The following ADGRV1 variants were observed in gnomAD, a reference collection of about 807,000 sequenced individuals.
The protein encoded by ADGRV1 is G-protein coupled receptor 98.
Under a neutral mutation model 596.2 loss-of-function variants are expected in ADGRV1, and 359 were observed. That is an observed-to-expected ratio of 0.60 (90% CI 0.55 to 0.66). The LOEUF is 0.66. ADGRV1 is among the 30% of genes least tolerant of loss of function. The probability of loss-of-function intolerance (pLI) is 0.00; values close to 1 mark genes in which losing one functional copy is unlikely to be tolerated. For missense variants in ADGRV1, 7,274 were observed against 7,575.6 expected (o/e 0.96, Z 1.48); for synonymous variants, 2,681 against 2,679.2 (o/e 1.00, Z -0.02).
chr5:90,720,670 T>G (rs1202978107), intron 44 of ADGRV1, among the ~76,000 whole-genome samples: 2 of 152,188 alleles, frequency 1.3e-5, no homozygotes, highest in Non-Finnish European at 2.9e-5. Flanking sequence ...GTTTCATTAA[T>G]ATGTTAATTT....
rs1363413635 is a variant in ADGRV1 at position 90,696,855 on chromosome 5, TA to T, written c.7946-81del. The T allele has an allele frequency of 3.8e-5, 36 of 942,122 alleles. No individual in the cohort carries two copies. The African/African-American group carries it at 5.6e-4, about 15-fold the overall frequency. 58.4% of individuals were successfully genotyped at this position (942,122 alleles called of 1,614,324 possible). ...CATATTTTTATTTAACTTTTAAACA[TA>T]GAAATTATTTTGGGCCTTTCTGAGT... On this transcript the variant is annotated intron_variant, in intron 33 of 89. Coordinates refer to ENST00000405460, the MANE Select transcript of ADGRV1 (RefSeq NM_032119.4).
intron 85 of ADGRV1, among the ~76,000 whole-genome samples, chr5:91,064,099 A>G (rs535060593): frequency 1.8e-4 from 28 of 152,296 alleles, no homozygotes; most frequent in Admixed American, 1.4e-3. Context: ...AGGATTTTCT[A>G]TGCCATATTT....
chr5:91,078,568 T>C (rs928730125), intron 86 of ADGRV1, among the ~76,000 whole-genome samples: 2 of 152,206 alleles, frequency 1.3e-5, no homozygotes, highest in African/African-American at 4.8e-5. Flanking sequence ...GACTTTAAGA[T>C]GAATGGCAGT....
intron 43 of ADGRV1, 25 bp downstream of exon 43, chr5:90,716,754 AT>A: frequency 6.5e-7 from 1 of 1,548,786 alleles, no homozygotes; most frequent in Non-Finnish European, 8.8e-7. Context: ...TTTAATGAGA[AT>A]GGAAGTTTAT....
chr5:90,615,082 C>T, intron 2 of ADGRV1, 63 bp downstream of exon 2: 1 of 1,059,852 alleles, frequency 9.4e-7, no homozygotes, highest in Non-Finnish European at 1.3e-6. Context: ...GTTTTAATGG[C>T]AAGGATTTTT....
Position 90,583,126 on chromosome 5 carries a change from C to T in ADGRV1, c.22+24209C>T, listed in dbSNP as rs532528290. 2.9e-3 allele frequency among the ~76,000 whole-genome samples: 435 copies of T among 152,098 alleles called. 2 individuals are homozygous for T. The highest frequency in any genetic ancestry group is 1.0e-2 in the African/African-American group (413 of 41,478). ...TTATATAGTATTTAAGTAGTAAAGT[C>T]GGGAAACTTTGGAAATTGTTCATGC... On this transcript the variant is annotated intron_variant, in intron 1 of 89. Transcript: ENST00000405460.
At chr5:90,861,600 T>C (rs571601957) in intron 82 of ADGRV1, among the ~76,000 whole-genome samples, 80 of 151,748 alleles carry the variant, frequency 5.3e-4, no homozygotes, top group Admixed American at 1.2e-3. Context: ...TGAGCCACCA[T>C]GCCCGGCTAT....
intron 1 of ADGRV1, among the ~76,000 whole-genome samples, chr5:90,579,341 T>G (rs1266947632): frequency 3.3e-5 from 5 of 152,244 alleles, no homozygotes; most frequent in Non-Finnish European, 7.3e-5. Flanking sequence ...ACATCTTTAT[T>G]TCTGCCTTCA....
chr5:90,906,139 A>T (rs1466908910), intron 83 of ADGRV1, among the ~76,000 whole-genome samples: 1 of 151,962 alleles, frequency 6.6e-6, no homozygotes, highest in African/African-American at 2.4e-5. Context: ...CTAGTATCTT[A>T]TTGAGGGTTT....
chr5:90,717,320 A>G (rs1448663833), intron 43 of ADGRV1: 1 of 152,014 alleles, frequency 6.6e-6, no homozygotes, highest in Admixed American at 6.6e-5. Flanking sequence ...GCAGCACACC[A>G]ACATGGCACA....
chr5:91,122,941 C>T (rs538666532), intron 87 of ADGRV1, among the ~76,000 whole-genome samples: 1 of 152,332 alleles, frequency 6.6e-6, no homozygotes, highest in African/African-American at 2.4e-5. Context: ...TCCTAGACTT[C>T]CTGCCTGTTT....
At chr5:91,070,373 CCT>C (rs1788280494) in intron 85 of ADGRV1, among the ~76,000 whole-genome samples, 1 of 152,122 alleles carries the variant, frequency 6.6e-6, no homozygotes. Flanking sequence ...CGTGATTCCC[CCT>C]GAGTTGTCTT....
In ADGRV1 at chr5:90,753,823, C is replaced by T. The variant is rs1327121129; in HGVS notation, c.11371C>T (p.Pro3791Ser). 1 of 1,599,280 alleles carries T rather than the reference C, an allele frequency of 6.3e-7. No homozygotes were observed. Among genetic ancestry groups the T allele is most frequent in the Non-Finnish European group, 8.5e-7 (1 of 1,171,968 alleles). The change falls in exon 54 of 90, where the codon CCT (proline) becomes TCT (serine). Residue 3791 changes from proline to serine, a missense_variant. Pro to Ser is a moderately conservative substitution (Grantham distance 74). Transcript: ENST00000405460. ...GTCTGTCTTCATTAGAGTAGCAGAG[C>T]CTAAAGGTAAATATTGTTAAATATC... Reference protein sequence around the residue: ...AASVFIRVAEPKENTTTLQLQ... With the variant: ...AASVFIRVAESKENTTTLQLQ...
chr5:91,143,028 T>A (rs1443451426), intron 87 of ADGRV1, among the ~76,000 whole-genome samples: 2 of 152,072 alleles, frequency 1.3e-5, no homozygotes, highest in Non-Finnish European at 2.9e-5. Context: ...TGAGCAAGTA[T>A]GGGGTCCGGC....
intron 83 of ADGRV1, among the ~76,000 whole-genome samples, chr5:90,932,060 GA>G (rs1436115635): frequency 6.6e-6 from 1 of 152,092 alleles, no homozygotes; most frequent in Non-Finnish European, 1.5e-5. Flanking sequence ...CCACTTGCTA[GA>G]AGGGATTTCT....
chr5:90,918,530 T>C (rs1197229135), intron 83 of ADGRV1, among the ~76,000 whole-genome samples: 4 of 152,202 alleles, frequency 2.6e-5, no homozygotes, highest in African/African-American at 9.6e-5. Context: ...AATGTACATA[T>C]ATCTGAGCTT....
chr5:90,662,644 G>A (rs1321330778), intron 21 of ADGRV1, among the ~76,000 whole-genome samples: 2 of 150,954 alleles, frequency 1.3e-5, no homozygotes, highest in African/African-American at 4.9e-5. Context: ...AAGTTTTAGG[G>A]TACATGAGCA....
At chr5:90,701,762 T>A (rs528464180) in intron 34 of ADGRV1, among the ~76,000 whole-genome samples, 2 of 152,060 alleles carry the variant, frequency 1.3e-5, no homozygotes, top group South Asian at 4.1e-4. Context: ...ATATTTTACT[T>A]TCTTTTCTCC....
rs1765183931 is a variant in ADGRV1 at position 90,629,246 on chromosome 5, G to A, written c.1546G>A (p.Gly516Ser). The stretch of plus-strand genomic sequence containing the variant: ...CATTCAGGATAGTGATGATGTCTAT[G>A]GCCTAATAACATTTTTTCCTATGGA... ...FYIQDSDDVY[G>S]LITFFPMENQ... The change falls in exon 9 of 90, where the codon GGC (glycine) becomes AGC (serine). Residue 516 changes from glycine (G) to serine (S), a missense_variant. Transcript: ENST00000405460. 2 of 1,609,870 alleles carry A rather than the reference G, an allele frequency of 1.2e-6. No homozygotes were observed. The highest frequency in any genetic ancestry group is 2.7e-5 in the African/African-American group (2 of 74,592).
Sources: allele counts gnomAD v4.1 joint callset (sites outside exome capture counted in the v4.1 genomes callset), GRCh38; gene constraint gnomAD v4.1.1; transcripts MANE v1.5; gene names NCBI Gene and HGNC (gene_info 2026-07-23, HGNC 2026-07-21).